Variants in TRAM2 observed in about 807,000 individuals in gnomAD.
The protein encoded by TRAM2 is translocating chain-associated membrane protein 2.
A neutral mutation model predicts 51.0 loss-of-function variants in TRAM2; 12 were observed. The ratio of observed to expected loss-of-function variants is 0.24; its 90% CI spans 0.15 to 0.38. The LOEUF is 0.38. Among genes scored for constraint, TRAM2 ranks in the 10% least tolerant of loss-of-function variants. TRAM2 has a pLI of 1.00. For synonymous variants in TRAM2, 175 were observed against 179.4 expected, an observed-to-expected ratio of 0.98 and a Z score of 0.20; for missense variants, 361 against 462.0, an observed-to-expected ratio of 0.78 and a Z score of 2.00.
At chr6:52,574,752 T>A (rs891196314) in intron 1 of TRAM2, among the ~76,000 whole-genome samples, 7 of 152,184 alleles carry the variant, frequency 4.6e-5, no homozygotes, top group African/African-American at 1.4e-4. Context: ...CTTTCAACTT[T>A]TAGAGTGGCA....
At chr6:52,574,279 G>A (rs1332261358) in intron 1 of TRAM2, among the ~76,000 whole-genome samples, 3 of 152,130 alleles carry the variant, frequency 2.0e-5, no homozygotes, top group South Asian at 4.1e-4. Flanking sequence ...TTTCTCTGTG[G>A]TACCTACAGT....
At position 52,576,980 on chromosome 6, in the gene TRAM2, C is replaced by T; in HGVS notation, c.-65G>A. On this transcript the variant is annotated 5_prime_UTR_variant, in exon 1 of 11. Coordinates refer to ENST00000182527, the MANE Select transcript of TRAM2 (RefSeq NM_012288.4). Reference sequence around the variant, plus strand: ...CGCTCACGAACCGCAGCGCAAACTTCTCCAGCACCGGCCCGGTCCGCCCGC... The same window carrying T: ...CGCTCACGAACCGCAGCGCAAACTTTTCCAGCACCGGCCCGGTCCGCCCGC... The T allele has an allele frequency of 6.8e-7, 1 of 1,473,166 alleles. No individual in the cohort carries two copies. The highest frequency in any genetic ancestry group is 9.0e-7 in the Non-Finnish European group (1 of 1,114,826). 91.3% of individuals were successfully genotyped at this position (1,473,166 alleles called of 1,614,324 possible).
intron 2 of TRAM2, chr6:52,522,962 C>CCT: frequency 1.4e-6 from 1 of 701,320 alleles, no homozygotes; most frequent in Non-Finnish European, 2.6e-6. Flanking sequence ...TCTCTGACCT[C>CCT]CTCTGCACAA....
At chr6:52,540,810 C>T (rs1353947005) in intron 1 of TRAM2, among the ~76,000 whole-genome samples, 2 of 152,186 alleles carry the variant, frequency 1.3e-5, no homozygotes, top group Non-Finnish European at 2.9e-5. Flanking sequence ...AAATGCCAAG[C>T]TCAGTGGGTA....
chr6:52,497,722 G>C lies in TRAM2; in HGVS notation c.*5475C>G, dbSNP rs1184892969. 1 of 152,610 alleles carries C rather than the reference G, an allele frequency of 6.6e-6. No homozygotes were observed. Among genetic ancestry groups the C allele is most frequent in the Non-Finnish European group, 1.5e-5 (1 of 68,046 alleles). 9.5% of individuals were successfully genotyped at this position (152,610 alleles called of 1,614,324 possible). A position where few individuals can be genotyped will look rare whatever the true frequency, so the allele number is the denominator to read the frequency against. On this transcript the variant is annotated 3_prime_UTR_variant, in exon 11 of 11. Transcript: ENST00000182527. The stretch of plus-strand genomic sequence containing the variant: ...TTATCAGTTGCTCAGGGCACCAGCA[G>C]CCTTAGTTCATCCTTCAGATGTTTT...
At chr6:52,569,324 A>T (rs1442875836) in intron 1 of TRAM2, among the ~76,000 whole-genome samples, 1 of 149,740 alleles carries the variant, frequency 6.7e-6, no homozygotes, top group African/African-American at 2.5e-5. Context: ...CGGGAAGTGG[A>T]GGTTGCAGCA....
At chr6:52,568,076 GAGCCCCAGAGAGGTGAA>G (rs753220681) in intron 1 of TRAM2, among the ~76,000 whole-genome samples, 11 of 152,204 alleles carry the variant, frequency 7.2e-5, no homozygotes, top group Non-Finnish European at 1.5e-4. Flanking sequence ...TGAAGCAGGT[GAGCCCCAGAGAGGTGAA>G]GGGCCTTGCA....
At chr6:52,569,585 A>C (rs1031325160) in intron 1 of TRAM2, among the ~76,000 whole-genome samples, 1 of 151,678 alleles carries the variant, frequency 6.6e-6, no homozygotes, top group Non-Finnish European at 1.5e-5. Flanking sequence ...CCAGGGCATT[A>C]GTTCTTAATT....
At chr6:52,574,013 CCCAA>C (rs1374569565) in intron 1 of TRAM2, among the ~76,000 whole-genome samples, 2 of 152,108 alleles carry the variant, frequency 1.3e-5, no homozygotes, top group African/African-American at 4.8e-5. Flanking sequence ...AAGTCAGAAC[CCCAA>C]AAGCCTATGT....
chr6:52,555,156 T>C (rs1265007781), intron 1 of TRAM2, among the ~76,000 whole-genome samples: 1 of 152,226 alleles, frequency 6.6e-6, no homozygotes, highest in Non-Finnish European at 1.5e-5. Context: ...TAGATGGGAA[T>C]GGTATCTGTA....
At chr6:52,548,920 C>A (rs714171) in intron 1 of TRAM2, among the ~76,000 whole-genome samples, 5,650 of 152,244 alleles carry the variant, frequency 0.037, 150 homozygotes, top group Non-Finnish European at 0.053. Flanking sequence ...TCTGTTAGTG[C>A]CCTGGGTTTG....
chr6:52,504,521 C>T lies in TRAM2; in HGVS notation c.1039+70G>A, dbSNP rs1766305185. The T allele has an allele frequency of 1.9e-6, 3 of 1,596,282 alleles. No homozygotes were observed. In the South Asian group the frequency reaches 3.4e-5, roughly 18 times the overall value. On this transcript the variant is annotated intron_variant, in intron 10 of 10. Transcript: ENST00000182527. ...GGGCAGCGCCCAAGAAGCCAGGTGC[C>T]TTGGCTCCTCCCACCCATCCCAGAC... is the stretch of plus-strand genomic sequence containing the variant.
At chr6:52,562,049 T>C (rs559238434) in intron 1 of TRAM2, among the ~76,000 whole-genome samples, 4 of 151,834 alleles carry the variant, frequency 2.6e-5, no homozygotes, top group Non-Finnish European at 5.9e-5. Flanking sequence ...GTAAATTTCA[T>C]GGTACATGAA....
At chr6:52,518,649 G>A (rs1215619837) in intron 2 of TRAM2, among the ~76,000 whole-genome samples, 1 of 152,038 alleles carries the variant, frequency 6.6e-6, no homozygotes, top group Non-Finnish European at 1.5e-5. Context: ...TGGCCACTGA[G>A]GACCGAAGGG....
At chr6:52,544,691 C>T (rs1295565317) in intron 1 of TRAM2, among the ~76,000 whole-genome samples, 1 of 152,210 alleles carries the variant, frequency 6.6e-6, no homozygotes, top group Non-Finnish European at 1.5e-5. Context: ...AAACCAAGGC[C>T]AAGAACATTA....
At chr6:52,548,574 T>C (rs746930227) in intron 1 of TRAM2, among the ~76,000 whole-genome samples, 1 of 152,220 alleles carries the variant, frequency 6.6e-6, no homozygotes, top group African/African-American at 2.4e-5. Flanking sequence ...GAGGCCCTAA[T>C]GTGCAGAAAA....
At chr6:52,532,709 T>G (rs910342863) in intron 2 of TRAM2, among the ~76,000 whole-genome samples, 5 of 152,218 alleles carry the variant, frequency 3.3e-5, no homozygotes, top group African/African-American at 1.2e-4. Flanking sequence ...GGATAATTTG[T>G]GGTAATCCCT....
chr6:52,525,580 C>T (rs1041319451), intron 2 of TRAM2, among the ~76,000 whole-genome samples: 10 of 152,114 alleles, frequency 6.6e-5, no homozygotes, highest in Admixed American at 3.9e-4. Flanking sequence ...GAGGCCAAGG[C>T]GGGTGGATCA....
intron 1 of TRAM2, among the ~76,000 whole-genome samples, chr6:52,545,784 A>G (rs1446590133): frequency 6.6e-6 from 1 of 152,030 alleles, no homozygotes; most frequent in East Asian, 1.9e-4. Flanking sequence ...ATAGTCCTCC[A>G]TGGCTCCCTA....
Sources: allele counts gnomAD v4.1 joint callset (sites outside exome capture counted in the v4.1 genomes callset), GRCh38; gene constraint gnomAD v4.1.1; transcripts MANE v1.5; gene names NCBI Gene and HGNC (gene_info 2026-07-23, HGNC 2026-07-21).